The following KAT6B variants were observed in gnomAD, a reference collection of about 807,000 sequenced individuals.
KAT6B encodes histone acetyltransferase KAT6B.
KAT6B carries 10 observed loss-of-function variants against 187.5 expected under a neutral mutation model. The ratio of observed to expected loss-of-function variants is 0.05; its 90% CI spans 0.03 to 0.09. The LOEUF (loss-of-function observed/expected upper bound fraction) is 0.09. Ranked by LOEUF, KAT6B falls within the 10% of genes least tolerant of loss-of-function variation. KAT6B has a pLI of 1.00. For missense variants in KAT6B, 1,952 were observed against 2,558.9 expected, an observed-to-expected ratio of 0.76 and a Z score of 5.12; for synonymous variants, 861 against 926.8, an observed-to-expected ratio of 0.93 and a Z score of 1.29.
At chr10:74,886,152 G>A (rs1852932556) in intron 3 of KAT6B, among the ~76,000 whole-genome samples, 1 of 152,178 alleles carries the variant, frequency 6.6e-6, no homozygotes, top group African/African-American at 2.4e-5. Flanking sequence ...AACAGGAGAA[G>A]GGGGAGCTGT....
chr10:74,992,764 T>C (rs1043072656), intron 13 of KAT6B, among the ~76,000 whole-genome samples: 3 of 152,170 alleles, frequency 2.0e-5, no homozygotes, highest in Non-Finnish European at 1.5e-5. Context: ...TGTATATCAC[T>C]TCCTAGACCA....
chr10:74,992,247 G>A (rs543933717), intron 13 of KAT6B, among the ~76,000 whole-genome samples: 8 of 152,204 alleles, frequency 5.3e-5, no homozygotes, highest in Non-Finnish European at 7.4e-5. Flanking sequence ...AGATATAGCC[G>A]CCCACTTGCA....
intron 3 of KAT6B, among the ~76,000 whole-genome samples, chr10:74,955,225 T>G (rs1228860006): frequency 6.6e-6 from 1 of 152,194 alleles, no homozygotes; most frequent in Non-Finnish European, 1.5e-5. Context: ...GAAAAAAACA[T>G]ATATGTTCAG....
In KAT6B at chr10:74,845,400, T is replaced by C. The variant is rs182706367; in HGVS notation, c.621+1922T>C. On this transcript the variant is annotated intron_variant, in intron 3 of 17. Transcript: ENST00000287239. The stretch of plus-strand genomic sequence containing the variant: ...AGGCAGGCGTGGTGGGGGGCACCTG[T>C]AGTCCCAGCTATTTGGGAGGCTGAG... 1.0e-3 allele frequency among the ~76,000 whole-genome samples: 152 copies of C among 151,460 alleles called. 1 individual carries two copies. Among genetic ancestry groups the C allele is most frequent in the African/African-American group, 3.5e-3 (145 of 41,212 alleles).
At chr10:74,864,065 A>C (rs1032032963) in intron 3 of KAT6B, among the ~76,000 whole-genome samples, 3 of 152,036 alleles carry the variant, frequency 2.0e-5, no homozygotes, top group Admixed American at 6.6e-5. Context: ...GAGCCATCAA[A>C]ATTTTTTGTT....
At chr10:74,975,257 C>A in intron 7 of KAT6B, 142 bp from the exon 8 acceptor site, 3 of 711,296 alleles carry the variant, frequency 4.2e-6, no homozygotes, top group African/African-American at 1.8e-5. Context: ...AACAGAGAAA[C>A]ATCTAGGTGG....
Position 75,030,365 on chromosome 10 carries a change from C to G in KAT6B, c.5541C>G (p.Ala1847=). ...SAAVTSYANS[A]SLSTPLSNTG... ...CTGTGACTTCCTATGCAAACAGTGC[C>G]TCTTTGTCCACACCATTAAGTAACA... The change falls in exon 18 of 18, where the codon GCC becomes GCG. Residue 1847 remains alanine (A), a synonymous_variant. Coordinates refer to ENST00000287239, the MANE Select transcript of KAT6B (RefSeq NM_012330.4). This position sits in a 1 kb window ranked among gnomAD's most constrained non-coding sequence, Gnocchi z 4.8. The G allele has an allele frequency of 6.2e-7, 1 of 1,614,220 alleles. No individual in the cohort carries two copies. The highest frequency in any genetic ancestry group is 8.5e-7 in the Non-Finnish European group (1 of 1,180,032).
chr10:74,873,471 AAAT>A (rs976357135), intron 3 of KAT6B, among the ~76,000 whole-genome samples: 28 of 152,056 alleles, frequency 1.8e-4, no homozygotes, highest in African/African-American at 6.5e-4. Flanking sequence ...ATAAATAAAT[AAAT>A]AAATAAAATA....
intron 3 of KAT6B, among the ~76,000 whole-genome samples, chr10:74,858,896 G>A (rs1360628453): frequency 2.6e-5 from 4 of 151,446 alleles, no homozygotes; most frequent in Admixed American, 6.6e-5. Context: ...TGGAGATTGC[G>A]GTGAGCCAAT....
At chr10:74,958,579 A>G (rs2133496996) in intron 3 of KAT6B, among the ~76,000 whole-genome samples, 2 of 152,322 alleles carry the variant, frequency 1.3e-5, no homozygotes, top group Admixed American at 1.3e-4. Context: ...ATCTGTAGGC[A>G]CTGTCAGCTA....
intron 9 of KAT6B, among the ~76,000 whole-genome samples, chr10:74,978,173 C>G (rs997836265): frequency 6.6e-6 from 1 of 152,184 alleles, no homozygotes; most frequent in Non-Finnish European, 1.5e-5. Context: ...TAGTAGCAGC[C>G]AGTTGGGCTA....
intron 3 of KAT6B, among the ~76,000 whole-genome samples, chr10:74,930,382 G>C (rs1359782943): frequency 6.6e-6 from 1 of 152,218 alleles, no homozygotes; most frequent in African/African-American, 2.4e-5. Context: ...TCAGTGTTCA[G>C]ATTGGAGTTT....
chr10:74,830,769 T>TATGTATATATATATATA (rs58702000), intron 1 of KAT6B, among the ~76,000 whole-genome samples: 1 of 7,734 alleles, frequency 1.3e-4, no homozygotes, highest in African/African-American at 3.6e-4. Context: ...TATATATATA[T>TATGTATATATATATATA]TTTTTTTTTT....
rs1291827382 is a variant in KAT6B, at chr10:75,005,226, T to TC, written c.2630-15356_2630-15355insC. The stretch of plus-strand genomic sequence containing the variant: ...ATTTCGTTTTTTTGTTCTTTTTTTT[T>TC]TTTTCTTTTGAGACCGAGTCTTGCT... On this transcript the variant is annotated intron_variant, in intron 13 of 17. Transcript: ENST00000287239. Among the ~76,000 whole-genome samples the TC allele has an allele frequency of 1.5e-4, 23 of 151,804 alleles. 1 individual carries two copies. Among genetic ancestry groups the TC allele is most frequent in the Admixed American group, 6.6e-5 (1 of 15,252 alleles).
intron 3 of KAT6B, among the ~76,000 whole-genome samples, chr10:74,904,377 G>T (rs977010530): frequency 2.0e-5 from 3 of 152,222 alleles, no homozygotes; most frequent in Non-Finnish European, 4.4e-5. Context: ...CCTTATGGTT[G>T]TAAGACTGAG....
intron 3 of KAT6B, among the ~76,000 whole-genome samples, chr10:74,932,644 G>T (rs1280174199): frequency 6.6e-6 from 1 of 152,190 alleles, no homozygotes; most frequent in East Asian, 1.9e-4. Context: ...ATGAGGGAAT[G>T]GGGGGCCAAG....
intron 3 of KAT6B, among the ~76,000 whole-genome samples, chr10:74,904,748 G>T (rs1846638427): frequency 6.6e-6 from 1 of 152,178 alleles, no homozygotes. Flanking sequence ...CTCACATTCA[G>T]TATGTATTGA....
rs910327004 is a variant in KAT6B, at chr10:74,842,788, T to G, written c.-70T>G. The G allele has an allele frequency of 5.2e-6, 8 of 1,540,520 alleles. No homozygotes were observed. The African/African-American group carries it at 8.2e-5, about 16-fold the overall frequency. ...TTGAATTGTAAATGACTTTCAAATG[T>G]GCAAGTTCTGTTAAATACAAAGAGA... On this transcript the variant is annotated 5_prime_UTR_variant, in exon 3 of 18. Transcript: ENST00000287239.
At chr10:74,975,174 G>A (rs754255606) in intron 7 of KAT6B, among the ~76,000 whole-genome samples, 1 of 152,022 alleles carries the variant, frequency 6.6e-6, no homozygotes, top group Non-Finnish European at 1.5e-5. Context: ...GGGTCCACAT[G>A]GATTCTTCCA....
Sources: gnomAD v4.1 joint callset for allele counts (sites outside exome capture counted in the v4.1 genomes callset) on GRCh38, gnomAD v4.1.1 for gene constraint, Gnocchi (gnomAD v3.1) non-coding constraint, MANE v1.5 for transcripts, NCBI Gene and HGNC (gene_info 2026-07-23, HGNC 2026-07-21) for gene names.